Variants in CSMD3 observed in about 807,000 individuals in gnomAD.
CSMD3 encodes CUB and Sushi multiple domains 3, also known as CUB and sushi domain-containing protein 3.
Under a neutral mutation model 435.2 loss-of-function variants are expected in CSMD3, and 177 were observed. The observed-to-expected ratio is 0.41, with a 90% confidence interval of 0.36 to 0.46. CSMD3 has a LOEUF of 0.46. Among genes scored for constraint, CSMD3 ranks in the 20% least tolerant of loss-of-function variants. CSMD3 has a pLI of 0.34. For missense variants in CSMD3, 4,265 were observed against 4,504.6 expected (o/e 0.95, Z 1.52); for synonymous variants, 1,656 against 1,520.5 (o/e 1.09, Z -2.07).
intron 4 of CSMD3, among the ~76,000 whole-genome samples, chr8:113,169,375 C>T (rs531299671): frequency 6.6e-6 from 1 of 152,178 alleles, no homozygotes; most frequent in Admixed American, 6.5e-5. Flanking sequence ...CAAGCTTCTC[C>T]AAAAACTATC....
Position 112,223,877 on chromosome 8 carries a change from T to A in CSMD3, c.*894A>T, listed in dbSNP as rs1288658392. On this transcript the variant is annotated 3_prime_UTR_variant, in exon 71 of 71. Coordinates refer to ENST00000297405, the MANE Select transcript of CSMD3 (RefSeq NM_198123.2). ...TATTGTAAAATAAAGGATGGTAAGT[T>A]TGGTGTCTCAGATAACTGCAAAATA... 3 of 152,174 alleles carry A rather than the reference T, an allele frequency of 2.0e-5. No homozygotes were observed. The highest frequency in any genetic ancestry group is 1.5e-5 in the Non-Finnish European group (1 of 68,022). The allele number at this position is 152,174 out of a possible 1,614,324, so 9.4% of individuals were successfully genotyped here.
chr8:113,316,436 GTAGATTATGGCAGA>G (rs2093910323), intron 1 of CSMD3, among the ~76,000 whole-genome samples: 1 of 152,160 alleles, frequency 6.6e-6, no homozygotes, highest in Non-Finnish European at 1.5e-5. Flanking sequence ...AGCCAGAGTT[GTAGATTATGGCAGA>G]TAGTGGCTGA....
chr8:112,737,456 T>C (rs554726636), intron 13 of CSMD3, among the ~76,000 whole-genome samples: 1 of 152,042 alleles, frequency 6.6e-6, no homozygotes, highest in East Asian at 1.9e-4. Context: ...GATTAGTACC[T>C]AAAGGCAGAT....
chr8:112,539,648 T>C (rs1563678153), intron 27 of CSMD3, among the ~76,000 whole-genome samples: 1 of 151,906 alleles, frequency 6.6e-6, no homozygotes, highest in Admixed American at 6.6e-5. Flanking sequence ...TTTTAACAGA[T>C]ACACTGTGAA....
At chr8:113,106,604 A>T (rs2090484505) in intron 4 of CSMD3, among the ~76,000 whole-genome samples, 1 of 152,232 alleles carries the variant, frequency 6.6e-6, no homozygotes, top group African/African-American at 2.4e-5. Flanking sequence ...TAAAATCCAT[A>T]GTTACAAAAG....
chr8:112,681,677 C>G (rs2075898929), intron 16 of CSMD3, among the ~76,000 whole-genome samples: 1 of 151,820 alleles, frequency 6.6e-6, no homozygotes, highest in Non-Finnish European at 1.5e-5. Context: ...ACCAGCCTGG[C>G]CAACATGGAA....
intron 10 of CSMD3, among the ~76,000 whole-genome samples, chr8:112,907,020 T>C (rs556781628): frequency 8.6e-5 from 13 of 151,632 alleles, no homozygotes; most frequent in Admixed American, 1.3e-4. Flanking sequence ...ACCTACCAAA[T>C]AGTTATTTTT....
At chr8:113,044,886 G>C (rs1359398072) in intron 5 of CSMD3, among the ~76,000 whole-genome samples, 3 of 148,928 alleles carry the variant, frequency 2.0e-5, no homozygotes, top group Admixed American at 1.3e-4. Flanking sequence ...AAACTAGTTA[G>C]GATGCTGTTG....
intron 32 of CSMD3, among the ~76,000 whole-genome samples, chr8:112,440,251 G>C (rs2130492800): frequency 6.6e-6 from 1 of 152,266 alleles, no homozygotes; most frequent in South Asian, 2.1e-4. Context: ...ATCCAATAGG[G>C]CAGTTATTAA....
chr8:112,952,863 T>G (rs2083874911), intron 8 of CSMD3, among the ~76,000 whole-genome samples: 1 of 151,534 alleles, frequency 6.6e-6, no homozygotes, highest in Non-Finnish European at 1.5e-5. Flanking sequence ...CAAGATATTT[T>G]TATTAGAATT....
At chr8:113,157,037 C>G (rs201263494) in intron 4 of CSMD3, among the ~76,000 whole-genome samples, 260 of 151,190 alleles carry the variant, frequency 1.7e-3, no homozygotes, top group Non-Finnish European at 2.5e-3. Flanking sequence ...CATTAGTTTA[C>G]TAACAAAAAT....
At chr8:113,215,762 A>C (rs1482163117) in intron 3 of CSMD3, among the ~76,000 whole-genome samples, 1 of 152,002 alleles carries the variant, frequency 6.6e-6, no homozygotes, top group South Asian at 2.1e-4. Flanking sequence ...TTGTGGCTTC[A>C]GTATATATTA....
intron 38 of CSMD3, among the ~76,000 whole-genome samples, chr8:112,371,182 T>C (rs1046039722): frequency 1.3e-5 from 2 of 152,156 alleles, no homozygotes; most frequent in Admixed American, 1.3e-4. Context: ...GGGCACACGC[T>C]GCTGGGCAGA....
chr8:113,154,106 C>A (rs373035378), intron 4 of CSMD3, among the ~76,000 whole-genome samples: 1 of 151,830 alleles, frequency 6.6e-6, no homozygotes, highest in African/African-American at 2.4e-5. Context: ...TGTGTTTTCA[C>A]GTAATTTAAA....
chr8:112,615,874 T>C (rs1438492438), intron 22 of CSMD3, among the ~76,000 whole-genome samples: 1 of 152,144 alleles, frequency 6.6e-6, no homozygotes, highest in East Asian at 1.9e-4. Flanking sequence ...GTGTTGGTCA[T>C]GTTTTCACCG....
intron 4 of CSMD3, among the ~76,000 whole-genome samples, chr8:113,173,432 C>T: frequency 6.6e-6 from 1 of 152,114 alleles, no homozygotes; most frequent in East Asian, 1.9e-4. Flanking sequence ...AGCAACACTC[C>T]TGCCTCAGCC....
At chr8:113,144,020 AG>A (rs1340072866) in intron 4 of CSMD3, among the ~76,000 whole-genome samples, 4 of 151,254 alleles carry the variant, frequency 2.6e-5, no homozygotes, top group Admixed American at 6.6e-5. Context: ...TCAAAACAAA[AG>A]TTTAATTTAA....
At position 112,223,042 on chromosome 8, in the gene CSMD3, T is replaced by A; in HGVS notation, c.*1729A>T. 2.5e-6 allele frequency: 1 copy of A among 398,514 alleles called. No homozygotes were observed. Among genetic ancestry groups the A allele is most frequent in the South Asian group, 1.3e-4 (1 of 7,858 alleles). 24.7% of individuals were successfully genotyped at this position (398,514 alleles called of 1,614,324 possible). On this transcript the variant is annotated 3_prime_UTR_variant, in exon 71 of 71. Transcript: ENST00000297405. Reference sequence around the variant, plus strand: ...ATACTTCTTTACAAAAGTGTATGCATTAATATAAGAGGAGTAGCCAGTTGC... The same window carrying A: ...ATACTTCTTTACAAAAGTGTATGCAATAATATAAGAGGAGTAGCCAGTTGC...
intron 13 of CSMD3, among the ~76,000 whole-genome samples, chr8:112,734,166 GA>G (rs1443939535): frequency 3.3e-5 from 5 of 151,562 alleles, no homozygotes; most frequent in African/African-American, 1.2e-4. Flanking sequence ...AGGATTAAAT[GA>G]ATTAACATTA....
Sources: allele counts gnomAD v4.1 joint callset (sites outside exome capture counted in the v4.1 genomes callset), GRCh38; gene constraint gnomAD v4.1.1; transcripts MANE v1.5; gene names NCBI Gene and HGNC (gene_info 2026-07-23, HGNC 2026-07-21).